Variants in ST6GALNAC5 observed in about 807,000 individuals in gnomAD.
ST6GALNAC5 encodes the protein alpha-N-acetylgalactosaminide alpha-2,6-sialyltransferase 5.
A neutral mutation model predicts 33.6 loss-of-function variants in ST6GALNAC5; 27 were observed. The ratio of observed to expected loss-of-function variants is 0.80; its 90% CI spans 0.59 to 1.11. ST6GALNAC5 has a LOEUF of 1.11. ST6GALNAC5 is among the 50% of genes least tolerant of loss of function. The probability of loss-of-function intolerance (pLI) is 0.00; values close to 1 mark genes in which losing one functional copy is unlikely to be tolerated. For missense variants in ST6GALNAC5, 428 were observed against 454.0 expected (o/e 0.94, Z 0.52); for synonymous variants, 194 against 171.2 (o/e 1.13, Z -1.04).
intron 2 of ST6GALNAC5, among the ~76,000 whole-genome samples, chr1:77,011,773 G>T (rs114320397): frequency 1.2e-3 from 181 of 151,874 alleles, no homozygotes; most frequent in African/African-American, 4.2e-3. Flanking sequence ...TTGTTCTATT[G>T]TAATACAATA....
At chr1:76,989,519 CA>C (rs1319765876) in intron 2 of ST6GALNAC5, among the ~76,000 whole-genome samples, 1 of 140,686 alleles carries the variant, frequency 7.1e-6, no homozygotes, top group Non-Finnish European at 1.6e-5. Context: ...TTTATTAATA[CA>C]TTTTTTGCCT....
At chr1:76,948,126 G>A (rs1010644701) in intron 2 of ST6GALNAC5, among the ~76,000 whole-genome samples, 3 of 152,154 alleles carry the variant, frequency 2.0e-5, no homozygotes, top group Admixed American at 2.0e-4. Flanking sequence ...CAAGGTTGCT[G>A]TGTCAAGAAA....
chr1:76,903,032 C>A (rs114415689), intron 2 of ST6GALNAC5, among the ~76,000 whole-genome samples: 5,707 of 151,988 alleles, frequency 0.038, 246 homozygotes, highest in African/African-American at 0.11. Flanking sequence ...ACAACAACAA[C>A]AAAAAATTGG....
chr1:76,962,554 T>C (rs903632870), intron 2 of ST6GALNAC5, among the ~76,000 whole-genome samples: 18 of 152,206 alleles, frequency 1.2e-4, no homozygotes, highest in African/African-American at 4.1e-4. Context: ...GGTTTTTCAA[T>C]AGCAACAAAA....
intron 2 of ST6GALNAC5, among the ~76,000 whole-genome samples, chr1:76,933,171 G>A (rs959622484): frequency 2.0e-5 from 3 of 151,988 alleles, no homozygotes; most frequent in African/African-American, 7.2e-5. Context: ...CTAGGGAAAT[G>A]GTCTATAAAA....
intron 2 of ST6GALNAC5, among the ~76,000 whole-genome samples, chr1:76,953,227 C>G (rs970989781): frequency 6.6e-6 from 1 of 152,026 alleles, no homozygotes; most frequent in Non-Finnish European, 1.5e-5. Flanking sequence ...ATTGCTGGGA[C>G]CTATGATTGG....
chr1:77,054,743 G>A (rs140264009), intron 4 of ST6GALNAC5, among the ~76,000 whole-genome samples: 1 of 152,242 alleles, frequency 6.6e-6, no homozygotes, highest in Non-Finnish European at 1.5e-5. Flanking sequence ...TTCCCATCAG[G>A]TGTCCTGGAG....
intron 3 of ST6GALNAC5, among the ~76,000 whole-genome samples, chr1:77,047,438 C>T (rs1652055953): frequency 6.6e-6 from 1 of 152,218 alleles, no homozygotes; most frequent in Non-Finnish European, 1.5e-5. Flanking sequence ...GAATATCTAA[C>T]TTGCAGATCT....
intron 2 of ST6GALNAC5, among the ~76,000 whole-genome samples, chr1:77,033,081 T>G (rs1217031202): frequency 6.6e-6 from 1 of 152,198 alleles, no homozygotes; most frequent in Non-Finnish European, 1.5e-5. Context: ...ACGAGTGACC[T>G]TTGAAGGAAA....
chr1:77,060,708 G>C (rs1289380756), intron 4 of ST6GALNAC5, among the ~76,000 whole-genome samples: 1 of 152,002 alleles, frequency 6.6e-6, no homozygotes, highest in Non-Finnish European at 1.5e-5. Context: ...TTTTTCCAAA[G>C]AGATGGTCTT....
intron 2 of ST6GALNAC5, among the ~76,000 whole-genome samples, chr1:76,911,039 G>C: frequency 6.6e-6 from 1 of 152,040 alleles, no homozygotes; most frequent in East Asian, 1.9e-4. Context: ...TGCACTTGCT[G>C]TTAGAAGACA....
intron 2 of ST6GALNAC5, among the ~76,000 whole-genome samples, chr1:76,893,035 A>T (rs1654046917): frequency 6.6e-6 from 1 of 152,180 alleles, no homozygotes; most frequent in Non-Finnish European, 1.5e-5. Context: ...CCTAGACAAC[A>T]GGATTTTGCT....
intron 4 of ST6GALNAC5, among the ~76,000 whole-genome samples, chr1:77,056,784 C>A (rs1652413752): frequency 6.6e-6 from 1 of 152,158 alleles, no homozygotes; most frequent in African/African-American, 2.4e-5. Flanking sequence ...CACTGTGGCT[C>A]TTTGTCCCAT....
At chr1:76,972,743 TC>T (rs1004628003) in intron 2 of ST6GALNAC5, among the ~76,000 whole-genome samples, 1 of 152,156 alleles carries the variant, frequency 6.6e-6, no homozygotes, top group Non-Finnish European at 1.5e-5. Context: ...ATAGATAATG[TC>T]ACTTGCCCTC....
At chr1:76,925,124 A>T (rs1647072052) in intron 2 of ST6GALNAC5, among the ~76,000 whole-genome samples, 1 of 151,950 alleles carries the variant, frequency 6.6e-6, no homozygotes, top group Non-Finnish European at 1.5e-5. Flanking sequence ...GGTGCTACCT[A>T]CACTCTTTTA....
chr1:77,034,257 T>G lies in ST6GALNAC5; in HGVS notation c.262-9947T>G, dbSNP rs141475081. 1.1e-3 allele frequency among the ~76,000 whole-genome samples: 164 copies of G among 152,122 alleles called. 1 individual carries two copies. The highest frequency in any genetic ancestry group is 1.8e-3 in the Non-Finnish European group (124 of 67,984). Reference sequence around the variant, plus strand: ...GTTGCCAGCGAATCCTCCGTGTTCCTCACCTACTAGATGCATCACCCCAAT... The same window carrying G: ...GTTGCCAGCGAATCCTCCGTGTTCCGCACCTACTAGATGCATCACCCCAAT... On this transcript the variant is annotated intron_variant, in intron 2 of 4. Transcript: ENST00000477717.
At chr1:77,032,381 G>T (rs1651490544) in intron 2 of ST6GALNAC5, among the ~76,000 whole-genome samples, 1 of 152,152 alleles carries the variant, frequency 6.6e-6, no homozygotes, top group South Asian at 2.1e-4. Flanking sequence ...CAGTGACTGG[G>T]TGAAAAAGAT....
chr1:76,984,644 A>G (rs1331255455), intron 2 of ST6GALNAC5, among the ~76,000 whole-genome samples: 1 of 152,222 alleles, frequency 6.6e-6, no homozygotes, highest in Admixed American at 6.5e-5. Context: ...AAAAAGAGGG[A>G]ATCCTCCCTA....
intron 2 of ST6GALNAC5, among the ~76,000 whole-genome samples, chr1:76,907,350 C>T (rs1447174744): frequency 6.6e-6 from 1 of 152,034 alleles, no homozygotes; most frequent in Admixed American, 6.6e-5. Context: ...CTGAGAACAC[C>T]CAACCCTGCT....
Sources: allele counts gnomAD v4.1 joint callset (sites outside exome capture counted in the v4.1 genomes callset), GRCh38; gene constraint gnomAD v4.1.1; transcripts MANE v1.5; gene names NCBI Gene and HGNC (gene_info 2026-07-23, HGNC 2026-07-21).